TSHZ2: variants seen among roughly 807,000 people sequenced by gnomAD.
TSHZ2 encodes the protein teashirt zinc finger homeobox 2.
Under a neutral mutation model 74.4 loss-of-function variants are expected in TSHZ2, and 21 were observed. The ratio of observed to expected loss-of-function variants is 0.28; its 90% CI spans 0.20 to 0.41. TSHZ2 has a LOEUF of 0.41. Ranked by LOEUF, TSHZ2 falls within the 10% of genes least tolerant of loss-of-function variation. The probability of loss-of-function intolerance (pLI) is 1.00; values close to 1 mark genes in which losing one functional copy is unlikely to be tolerated. For synonymous variants in TSHZ2, 540 were observed against 515.3 expected (o/e 1.05, Z -0.65); for missense variants, 1,244 against 1,293.5 (o/e 0.96, Z 0.59).
rs988261736 is a variant in TSHZ2, at chr20:53,022,393, G to A, written c.40+49060G>A. Among the ~76,000 whole-genome samples the A allele has an allele frequency of 5.9e-5, 9 of 152,124 alleles. No individual in the cohort carries two copies. The South Asian group carries it at 1.7e-3, about 28-fold the overall frequency. On this transcript the variant is annotated intron_variant, in intron 1 of 2. Coordinates refer to ENST00000371497, the MANE Select transcript of TSHZ2 (RefSeq NM_173485.6). ...GTCTCTTCAAATTTACAGTGTCAAC[G>A]TGCAGTAAACTAGCTGCTTCCCATG...
intron 1 of TSHZ2, among the ~76,000 whole-genome samples, chr20:53,205,555 T>C (rs555068997): frequency 2.6e-5 from 4 of 152,174 alleles, no homozygotes; most frequent in Non-Finnish European, 5.9e-5. Context: ...ACATCTTCCT[T>C]CTTTTGTGAA....
At chr20:53,093,577 G>C (rs1452447300) in intron 1 of TSHZ2, among the ~76,000 whole-genome samples, 2 of 152,150 alleles carry the variant, frequency 1.3e-5, no homozygotes, top group African/African-American at 2.4e-5. Flanking sequence ...TTCTTTTCCA[G>C]AATGTTCTTT....
intron 2 of TSHZ2, among the ~76,000 whole-genome samples, chr20:53,346,613 G>A (rs551886557): frequency 1.1e-3 from 166 of 152,348 alleles, no homozygotes; most frequent in Non-Finnish European, 1.3e-3. Context: ...AACCCTAAGC[G>A]TGTGAGGCCA....
At chr20:53,244,085 G>A (rs1238580478) in intron 1 of TSHZ2, among the ~76,000 whole-genome samples, 1 of 152,138 alleles carries the variant, frequency 6.6e-6, no homozygotes, top group Non-Finnish European at 1.5e-5. Context: ...TCTGTGGGAT[G>A]GCTGTGCTAA....
intron 2 of TSHZ2, among the ~76,000 whole-genome samples, chr20:53,402,295 C>G (rs1982696401): frequency 6.6e-6 from 1 of 152,168 alleles, no homozygotes; most frequent in Admixed American, 6.5e-5. Flanking sequence ...AATGGTTGTA[C>G]TAGTTTACAT....
intron 1 of TSHZ2, among the ~76,000 whole-genome samples, chr20:53,003,209 T>C (rs1462880059): frequency 6.6e-6 from 1 of 151,964 alleles, no homozygotes; most frequent in African/African-American, 2.4e-5. Flanking sequence ...CCTGTCTACC[T>C]GGGGTTCTAT....
At chr20:53,421,454 G>C (rs949260435) in intron 2 of TSHZ2, 2 of 220,240 alleles carry the variant, frequency 9.1e-6, no homozygotes, top group African/African-American at 4.6e-5. Flanking sequence ...GAAACATGCA[G>C]GTCCTGGCAT....
chr20:53,129,091 A>G (rs1339935770), intron 1 of TSHZ2, among the ~76,000 whole-genome samples: 2 of 152,188 alleles, frequency 1.3e-5, no homozygotes, highest in Non-Finnish European at 2.9e-5. Context: ...ATGTAAAATT[A>G]TATCCAGTGA....
intron 2 of TSHZ2, among the ~76,000 whole-genome samples, chr20:53,369,981 A>G (rs1358051230): frequency 1.3e-5 from 2 of 151,914 alleles, no homozygotes; most frequent in African/African-American, 2.4e-5. Context: ...ATTCCTTGAA[A>G]TTTTTTTTAA....
chr20:52,982,827 G>GA (rs35715585), intron 1 of TSHZ2, among the ~76,000 whole-genome samples: 7 of 151,906 alleles, frequency 4.6e-5, no homozygotes, highest in African/African-American at 1.5e-4. Context: ...GATCAGACCT[G>GA]AAAAAAAAGT....
intron 1 of TSHZ2, among the ~76,000 whole-genome samples, chr20:53,150,508 C>T (rs918872451): frequency 1.3e-5 from 2 of 152,162 alleles, no homozygotes; most frequent in Non-Finnish European, 2.9e-5. Context: ...AGTACCTGCA[C>T]ATATCCTCAA....
chr20:53,184,228 T>C (rs1470808424), intron 1 of TSHZ2, among the ~76,000 whole-genome samples: 1 of 152,218 alleles, frequency 6.6e-6, no homozygotes, highest in Non-Finnish European at 1.5e-5. Flanking sequence ...AGTTGTCCTT[T>C]ATGGAATTTG....
At chr20:53,186,920 T>A (rs1034852352) in intron 1 of TSHZ2, among the ~76,000 whole-genome samples, 1 of 151,040 alleles carries the variant, frequency 6.6e-6, no homozygotes, top group African/African-American at 2.5e-5. Context: ...ATATATATAT[T>A]TTGGGGCCAG....
At chr20:53,175,093 T>C (rs1372660427) in intron 1 of TSHZ2, among the ~76,000 whole-genome samples, 1 of 149,498 alleles carries the variant, frequency 6.7e-6, no homozygotes, top group East Asian at 2.1e-4. Context: ...TATAGCTCCC[T>C]GGGCTTTTTC....
At chr20:53,442,747 G>T (rs1411926155) in intron 2 of TSHZ2, among the ~76,000 whole-genome samples, 1 of 152,152 alleles carries the variant, frequency 6.6e-6, no homozygotes, top group Non-Finnish European at 1.5e-5. Context: ...TCAGTTGGAG[G>T]TTGTTCAAAA....
chr20:53,328,716 T>C (rs1430934811), intron 2 of TSHZ2, among the ~76,000 whole-genome samples: 1 of 152,352 alleles, frequency 6.6e-6, no homozygotes, highest in Non-Finnish European at 1.5e-5. Flanking sequence ...ACGAAGTGAA[T>C]GGTTAATCAC....
intron 2 of TSHZ2, among the ~76,000 whole-genome samples, chr20:53,384,186 G>A (rs763573295): frequency 1.1e-4 from 16 of 152,270 alleles, no homozygotes; most frequent in Non-Finnish European, 2.1e-4. Context: ...CCAGAAACAG[G>A]GAAATTTATG....
intron 2 of TSHZ2, among the ~76,000 whole-genome samples, chr20:53,449,454 G>T (rs1025230732): frequency 2.6e-5 from 4 of 152,208 alleles, no homozygotes; most frequent in African/African-American, 9.6e-5. Context: ...ACCGTTGAAG[G>T]CTGTCAACAG....
intron 1 of TSHZ2, among the ~76,000 whole-genome samples, chr20:53,057,085 G>C (rs1173661062): frequency 1.3e-5 from 2 of 152,154 alleles, no homozygotes; most frequent in African/African-American, 2.4e-5. Flanking sequence ...ATAAAGGGCA[G>C]TTCCCCTGCA....
Sources: gnomAD v4.1 joint callset for allele counts (sites outside exome capture counted in the v4.1 genomes callset) on GRCh38, gnomAD v4.1.1 for gene constraint, MANE v1.5 for transcripts, NCBI Gene and HGNC (gene_info 2026-07-23, HGNC 2026-07-21) for gene names.